The following PDE4D variants were observed in gnomAD, a reference collection of about 807,000 sequenced individuals.
PDE4D encodes the protein phosphodiesterase 4D.
A neutral mutation model predicts 87.4 loss-of-function variants in PDE4D; 24 were observed. That is an observed-to-expected ratio of 0.27 (90% confidence interval 0.20 to 0.39). The LOEUF (loss-of-function observed/expected upper bound fraction) is 0.39. Ranked by LOEUF, PDE4D falls within the 10% of genes least tolerant of loss-of-function variation. The probability of loss-of-function intolerance (pLI) is 1.00; values close to 1 mark genes in which losing one functional copy is unlikely to be tolerated. For synonymous variants in PDE4D, 384 were observed against 383.2 expected, an observed-to-expected ratio of 1.00 and a Z score of -0.02; for missense variants, 714 against 1,041.0, an observed-to-expected ratio of 0.69 and a Z score of 4.32.
At chr5:59,483,238 C>T (rs1422056253) in intron 1 of PDE4D, among the ~76,000 whole-genome samples, 2 of 152,170 alleles carry the variant, frequency 1.3e-5, no homozygotes, top group Non-Finnish European at 1.5e-5. Flanking sequence ...ACTTCTCAGT[C>T]TCTGTAGCTG....
At chr5:59,075,118 A>T (rs1042436284) in intron 5 of PDE4D, among the ~76,000 whole-genome samples, 1 of 147,814 alleles carries the variant, frequency 6.8e-6, no homozygotes, top group Non-Finnish European at 1.5e-5. Flanking sequence ...ACACACACAC[A>T]CACACAATTT....
intron 1 of PDE4D, among the ~76,000 whole-genome samples, chr5:59,217,539 C>G (rs1182437444): frequency 1.3e-5 from 2 of 152,014 alleles, no homozygotes; most frequent in Non-Finnish European, 2.9e-5. Flanking sequence ...TATGTTTTTC[C>G]AACTTAAAAT....
chr5:60,204,431 C>A (rs986789047), intron 1 of PDE4D, among the ~76,000 whole-genome samples: 1 of 152,180 alleles, frequency 6.6e-6, no homozygotes, highest in Non-Finnish European at 1.5e-5. Context: ...GAGCTCTATA[C>A]GAATGGGCAT....
At chr5:59,016,390 CTTT>C (rs35622981) in intron 6 of PDE4D, among the ~76,000 whole-genome samples, 12 of 78,592 alleles carry the variant, frequency 1.5e-4, no homozygotes, top group Non-Finnish European at 2.1e-4. Context: ...TCAGTCTGTT[CTTT>C]TTTTTTTTTT....
At chr5:59,197,829 G>T (rs1745805688) in intron 2 of PDE4D, among the ~76,000 whole-genome samples, 1 of 152,238 alleles carries the variant, frequency 6.6e-6, no homozygotes, top group South Asian at 2.1e-4. Flanking sequence ...AAAATCCTAT[G>T]AAATAAAATA....
At chr5:59,761,546 A>AT (rs924265760) in intron 1 of PDE4D, among the ~76,000 whole-genome samples, 11 of 151,376 alleles carry the variant, frequency 7.3e-5, no homozygotes, top group Admixed American at 3.3e-4. Context: ...TTTATTTTTA[A>AT]TTTTTTTTTA....
chr5:59,030,082 C>T (rs1438158348), intron 6 of PDE4D, among the ~76,000 whole-genome samples: 5 of 152,028 alleles, frequency 3.3e-5, no homozygotes, highest in Non-Finnish European at 7.4e-5. Context: ...TGTAAAGCTA[C>T]TAGAAGAAAA....
chr5:59,793,989 G>A (rs1481156805), intron 1 of PDE4D, among the ~76,000 whole-genome samples: 1 of 152,048 alleles, frequency 6.6e-6, no homozygotes, highest in Non-Finnish European at 1.5e-5. Context: ...TGTGGTATTT[G>A]CCAATATGGG....
chr5:59,214,464 T>A (rs547018443), intron 2 of PDE4D, among the ~76,000 whole-genome samples: 27 of 152,254 alleles, frequency 1.8e-4, no homozygotes, highest in Non-Finnish European at 3.2e-4. Flanking sequence ...ATCTTTCCCT[T>A]GGGTGGAAAA....
intron 1 of PDE4D, among the ~76,000 whole-genome samples, chr5:60,275,367 T>A (rs1303114470): frequency 1.3e-5 from 2 of 152,058 alleles, no homozygotes; most frequent in Non-Finnish European, 2.9e-5. Context: ...AGATAAAATA[T>A]ATTTAATATA....
At position 59,502,662 on chromosome 5, in the gene PDE4D, TAGTGTGTGTGTG is replaced by T. The variant is rs1464566557; in HGVS notation, c.456-286706_456-286695del. Reference sequence around the variant, plus strand: ...CAGATAATTTCTTTATTCCTTAAGGTAGTGTGTGTGTGTGTGTGTGTGTGTGTGTGTGTGTGT... The same window carrying T: ...CAGATAATTTCTTTATTCCTTAAGGTTGTGTGTGTGTGTGTGTGTGTGTGT... On this transcript the variant is annotated intron_variant, in intron 1 of 14. Transcript: ENST00000340635. 1.9e-3 allele frequency among the ~76,000 whole-genome samples: 212 copies of T among 111,508 alleles called. 2 individuals carry two copies. The highest frequency in any genetic ancestry group is 7.2e-3 in the African/African-American group (203 of 28,236). The allele number at this position is 111,508 out of a possible 152,430, so 73.2% of individuals were successfully genotyped here.
chr5:59,883,906 T>A (rs1049387862), intron 1 of PDE4D, among the ~76,000 whole-genome samples: 7 of 152,184 alleles, frequency 4.6e-5, no homozygotes, highest in African/African-American at 9.6e-5. Flanking sequence ...TAAATTTTTT[T>A]ATGAAACGCA....
chr5:60,328,427 T>A, intron 1 of PDE4D, among the ~76,000 whole-genome samples: 1 of 152,334 alleles, frequency 6.6e-6, no homozygotes, highest in East Asian at 1.9e-4. Flanking sequence ...TACTCTTTTT[T>A]AATTGATTTA....
chr5:59,623,500 T>C (rs139361079), intron 1 of PDE4D, among the ~76,000 whole-genome samples: 2 of 152,204 alleles, frequency 1.3e-5, no homozygotes, highest in Non-Finnish European at 2.9e-5. Flanking sequence ...GGAGCTCTGT[T>C]GTTCTGTTCC....
intron 1 of PDE4D, among the ~76,000 whole-genome samples, chr5:59,413,439 C>T (rs989634764): frequency 3.7e-5 from 4 of 108,508 alleles, no homozygotes; most frequent in Non-Finnish European, 6.5e-5. Context: ...GCCTGGGTGA[C>T]TGAGTGAGAC....
At position 59,960,215 on chromosome 5, in the gene PDE4D, G is replaced by A. The variant is rs142865144; in HGVS notation, c.272+28273C>T. Among the ~76,000 whole-genome samples, 1,211 of 152,074 alleles carry A rather than the reference G, an allele frequency of 8.0e-3. 17 individuals carry two copies. The highest frequency in any genetic ancestry group is 0.012 in the Non-Finnish European group (825 of 67,918). On this transcript the variant is annotated intron_variant, in intron 3 of 16. Coordinates refer to the PDE4D transcript ENST00000502484. ...AAAAAATAACGGATGTTGGCGAGAC[G>A]GTAGAGAAAAGGGAATGGTTGTACA...
At chr5:60,334,707 T>C (rs923502931) in intron 1 of PDE4D, among the ~76,000 whole-genome samples, 1 of 151,072 alleles carries the variant, frequency 6.6e-6, no homozygotes, top group Non-Finnish European at 1.5e-5. Flanking sequence ...GCTGCCAGGA[T>C]GGAAAGAACT....
chr5:59,237,683 T>C lies in PDE4D; in HGVS notation c.456-21715A>G, dbSNP rs1038265639. ...CTGGTCTATGCTTGCATCTTGAATC[T>C]GCTTCTTGCTATCTGAACAATGTCA... On this transcript the variant is annotated intron_variant, in intron 1 of 14. Coordinates refer to ENST00000340635, the MANE Select transcript of PDE4D (RefSeq NM_001104631.2). 2.6e-4 allele frequency among the ~76,000 whole-genome samples: 40 copies of C among 152,204 alleles called. 1 individual carries two copies. Among genetic ancestry groups the C allele is most frequent in the Non-Finnish European group, 7.3e-5 (5 of 68,028 alleles).
At chr5:59,696,829 T>C (rs1375295979) in intron 1 of PDE4D, among the ~76,000 whole-genome samples, 3 of 152,170 alleles carry the variant, frequency 2.0e-5, no homozygotes, top group Non-Finnish European at 2.9e-5. Context: ...AATCCTTCCA[T>C]AGTGCTTAGA....
Sources: gnomAD v4.1 joint callset for allele counts (sites outside exome capture counted in the v4.1 genomes callset) on GRCh38, gnomAD v4.1.1 for gene constraint, MANE v1.5 for transcripts, NCBI Gene and HGNC (gene_info 2026-07-23, HGNC 2026-07-21) for gene names.